Variants in PRMT8 observed in about 807,000 individuals in gnomAD.
The protein encoded by PRMT8 is protein arginine methyltransferase 8, also known as protein arginine N-methyltransferase 8.
A neutral mutation model predicts 47.1 loss-of-function variants in PRMT8; 7 were observed. That is an observed-to-expected ratio of 0.15 (90% CI 0.08 to 0.28). PRMT8 has a LOEUF of 0.28. PRMT8 is among the 10% of genes least tolerant of loss of function. The pLI is 1.00. For synonymous variants in PRMT8, 188 were observed against 186.5 expected (o/e 1.01, Z -0.07); for missense variants, 237 against 505.4 (o/e 0.47, Z 5.09).
intron 9 of PRMT8, 152 bp downstream of exon 9, chr12:3,592,504 C>T (rs1867330115): frequency 3.6e-6 from 3 of 827,644 alleles, no homozygotes; most frequent in Non-Finnish European, 5.5e-6. Flanking sequence ...CATGACTAGG[C>T]CTAATTGAGG....
intron 8 of PRMT8, among the ~76,000 whole-genome samples, chr12:3,585,269 G>T (rs372604744): frequency 5.0e-4 from 76 of 152,052 alleles, no homozygotes; most frequent in African/African-American, 1.6e-3. Context: ...TGTCTAGTAG[G>T]GGGAGTGGGA....
rs1864946213 is a variant in PRMT8, at chr12:3,453,806, C to T, written c.48+72364C>T. On this transcript the variant is annotated intron_variant, in intron 1 of 9. Coordinates refer to the PRMT8 transcript ENST00000452611. The surrounding 1 kb of genome is among the most constrained non-coding windows in gnomAD (Gnocchi z 4.9). The stretch of plus-strand genomic sequence containing the variant: ...GTCCTCCTGCCCGCTGTGTCTATTT[C>T]TCAGCTCCTGCTATGCTAGGTCTGG... Among the ~76,000 whole-genome samples the T allele has an allele frequency of 1.3e-5, 2 of 152,130 alleles. No individual in the cohort carries two copies. Among genetic ancestry groups the T allele is most frequent in the Non-Finnish European group, 2.9e-5 (2 of 68,028 alleles).
At chr12:3,397,557 A>T (rs1217625332) in intron 1 of PRMT8, among the ~76,000 whole-genome samples, 3 of 151,496 alleles carry the variant, frequency 2.0e-5, no homozygotes, top group Non-Finnish European at 4.4e-5. Flanking sequence ...TTGAGGAGGC[A>T]GTCTGCCCGT....
In PRMT8 at chr12:3,586,947, G is replaced by A. The variant is rs148607982; in HGVS notation, c.979+3739G>A. Among the ~76,000 whole-genome samples the A allele has an allele frequency of 5.3e-3, 805 of 152,304 alleles. 3 individuals are homozygous for A. The highest frequency in any genetic ancestry group is 0.018 in the African/African-American group (741 of 41,554). ...GAGTTGCTTTCTCAGCCACCTTCGC[G>A]TGTCAGCGTGGGGGCTCTGTTTCTA... On this transcript the variant is annotated intron_variant, in intron 8 of 9. Coordinates refer to ENST00000382622, the MANE Select transcript of PRMT8 (RefSeq NM_019854.5).
At chr12:3,428,918 G>T in intron 1 of PRMT8, among the ~76,000 whole-genome samples, 1 of 142,318 alleles carries the variant, frequency 7.0e-6, no homozygotes, top group African/African-American at 2.6e-5. Context: ...CTCTTTCCTT[G>T]ACTCCATCTT....
At chr12:3,388,528 C>G (rs1435536743) in intron 1 of PRMT8, among the ~76,000 whole-genome samples, 1 of 152,160 alleles carries the variant, frequency 6.6e-6, no homozygotes, top group East Asian at 1.9e-4. Context: ...CAGGTTTTGT[C>G]TAATGTTTTT....
intron 1 of PRMT8, among the ~76,000 whole-genome samples, chr12:3,517,638 A>C (rs868594138): frequency 6.6e-6 from 1 of 152,138 alleles, no homozygotes; most frequent in African/African-American, 2.4e-5. Context: ...AGAAACCTCC[A>C]TTGAGGGAGG....
At chr12:3,400,200 C>CA (rs1186093135) in intron 1 of PRMT8, among the ~76,000 whole-genome samples, 4 of 151,702 alleles carry the variant, frequency 2.6e-5, no homozygotes, top group African/African-American at 9.7e-5. Context: ...AAAAACCCTT[C>CA]AAAAAATCAA....
intron 1 of PRMT8, among the ~76,000 whole-genome samples, chr12:3,386,637 C>T (rs576736143): frequency 6.6e-6 from 1 of 152,256 alleles, no homozygotes; most frequent in East Asian, 1.9e-4. Context: ...TACCTACTTA[C>T]TGTGACCCTA....
chr12:3,511,123 T>G (rs1865706890), intron 1 of PRMT8, among the ~76,000 whole-genome samples: 1 of 152,150 alleles, frequency 6.6e-6, no homozygotes, highest in South Asian at 2.1e-4. Flanking sequence ...TACATTTTGC[T>G]CTTATAACCT....
intron 1 of PRMT8, among the ~76,000 whole-genome samples, chr12:3,475,126 G>A (rs1293790691): frequency 6.6e-6 from 1 of 152,152 alleles, no homozygotes; most frequent in South Asian, 2.1e-4. Flanking sequence ...TAAAAGAAGG[G>A]AAGTCTAACA....
At chr12:3,469,204 A>G in intron 1 of PRMT8, 3 of 480,948 alleles carry the variant, frequency 6.2e-6, no homozygotes, top group South Asian at 4.8e-5. Flanking sequence ...AGTAGTCAGG[A>G]ACAGATCTAG....
chr12:3,582,913 G>T (rs1433023026), intron 7 of PRMT8, 145 bp from the exon 8 acceptor site: 23 of 934,914 alleles, frequency 2.5e-5, no homozygotes, highest in Middle Eastern at 3.5e-4. Context: ...GAGGGCGGTG[G>T]GGAGCCTGGG....
intron 1 of PRMT8, among the ~76,000 whole-genome samples, chr12:3,470,943 G>A (rs1360868691): frequency 6.6e-6 from 1 of 152,172 alleles, no homozygotes; most frequent in Non-Finnish European, 1.5e-5. Flanking sequence ...TTAATGGGAC[G>A]ACTCCCACTC....
intron 1 of PRMT8, among the ~76,000 whole-genome samples, chr12:3,393,995 T>C (rs1864221836): frequency 7.6e-6 from 1 of 131,416 alleles, no homozygotes; most frequent in East Asian, 2.2e-4. Flanking sequence ...GGGAGTTCAC[T>C]CATGATTTGG....
At chr12:3,441,948 A>C (rs926183476) in intron 1 of PRMT8, among the ~76,000 whole-genome samples, 2 of 152,270 alleles carry the variant, frequency 1.3e-5, no homozygotes, top group Non-Finnish European at 2.9e-5. Context: ...TGGAAATCAC[A>C]AACCTCCCGT....
chr12:3,584,437 G>T (rs1867128947), intron 8 of PRMT8, among the ~76,000 whole-genome samples: 1 of 152,184 alleles, frequency 6.6e-6, no homozygotes, highest in African/African-American at 2.4e-5. Flanking sequence ...CTGGTTTCCT[G>T]TCTCAGCTCA....
At chr12:3,542,675 G>C (rs945658653) in intron 2 of PRMT8, among the ~76,000 whole-genome samples, 4 of 152,204 alleles carry the variant, frequency 2.6e-5, no homozygotes, top group Non-Finnish European at 5.9e-5. Flanking sequence ...TGCACCTCAA[G>C]CTGGGTCTGC....
intron 1 of PRMT8, among the ~76,000 whole-genome samples, chr12:3,421,357 G>C (rs1864538772): frequency 6.6e-6 from 1 of 152,204 alleles, no homozygotes; most frequent in Non-Finnish European, 1.5e-5. Flanking sequence ...TAAGGTCTGG[G>C]CTTCACTTGG....
Sources: gnomAD v4.1 joint callset for allele counts (sites outside exome capture counted in the v4.1 genomes callset) on GRCh38, gnomAD v4.1.1 for gene constraint, Gnocchi (gnomAD v3.1) non-coding constraint, MANE v1.5 for transcripts, NCBI Gene and HGNC (gene_info 2026-07-23, HGNC 2026-07-21) for gene names.